NUGGC: variants seen among roughly 807,000 people sequenced by gnomAD.
The protein encoded by NUGGC is nuclear GTPase SLIP-GC.
Under a neutral mutation model 92.6 loss-of-function variants are expected in NUGGC, and 58 were observed. That is an observed-to-expected ratio of 0.63 (90% confidence interval 0.51 to 0.78). NUGGC has a LOEUF of 0.78. NUGGC is among the 30% of genes least tolerant of loss of function. The pLI, the probability that NUGGC is intolerant of heterozygous loss-of-function variation, is 0.00. For synonymous variants in NUGGC, 376 were observed against 366.4 expected, an observed-to-expected ratio of 1.03 and a Z score of -0.30; for missense variants, 925 against 964.6, an observed-to-expected ratio of 0.96 and a Z score of 0.54.
intron 10 of NUGGC, among the ~76,000 whole-genome samples, chr8:28,052,691 C>G (rs1449538683): frequency 1.3e-5 from 2 of 152,192 alleles, no homozygotes; most frequent in Non-Finnish European, 2.9e-5. Flanking sequence ...AATTTTCTGT[C>G]GTTCCAAGCT....
intron 9 of NUGGC, among the ~76,000 whole-genome samples, chr8:28,057,704 A>G (rs961035425): frequency 6.6e-6 from 1 of 152,138 alleles, no homozygotes; most frequent in Non-Finnish European, 1.5e-5. Context: ...AACATAATAC[A>G]TACACAAAAT....
At chr8:28,042,914 T>G (rs1181048798) in intron 12 of NUGGC, among the ~76,000 whole-genome samples, 1 of 152,260 alleles carries the variant, frequency 6.6e-6, no homozygotes, top group Non-Finnish European at 1.5e-5. Flanking sequence ...TGAATTGGGT[T>G]GAATGATCTT....
intron 3 of NUGGC, chr8:28,070,019 C>A (rs1391293337): frequency 2.5e-5 from 20 of 798,888 alleles, no homozygotes; most frequent in Non-Finnish European, 2.9e-5. Context: ...TTTTCACAGG[C>A]TTTGTTCTAA....
chr8:28,072,676 A>G (rs541881646), intron 2 of NUGGC, among the ~76,000 whole-genome samples: 7 of 152,156 alleles, frequency 4.6e-5, no homozygotes, highest in African/African-American at 1.7e-4. Flanking sequence ...TTTTTCTTCA[A>G]TTTCTAAAAT....
intron 1 of NUGGC, among the ~76,000 whole-genome samples, chr8:28,074,782 T>C (rs1392663952): frequency 3.3e-5 from 5 of 152,110 alleles, no homozygotes; most frequent in Admixed American, 2.6e-4. Flanking sequence ...CTACCAAAAA[T>C]ACAAAAATTA....
chr8:28,047,631 A>C lies in NUGGC; in HGVS notation c.1207-19T>G, dbSNP rs1212108851. ...GTTTTCTCTGAAGTGAGAGAGTCAC[A>C]CAGAAAACAGAATAACTCAAACCAT... On this transcript the variant is annotated intron_variant, in intron 10 of 18. Coordinates refer to ENST00000413272, the MANE Select transcript of NUGGC (RefSeq NM_001010906.2). 7.0e-7 allele frequency: 1 copy of C among 1,434,096 alleles called. No individual in the cohort carries two copies. Among genetic ancestry groups the C allele is most frequent in the Non-Finnish European group, 9.6e-7 (1 of 1,041,036 alleles). 88.8% of individuals were successfully genotyped at this position (1,434,096 alleles called of 1,614,324 possible). A position where few individuals can be genotyped will look rare whatever the true frequency, so the allele number is the denominator to read the frequency against.
In NUGGC at chr8:28,047,729, T is replaced by C. The variant is rs1809876750; in HGVS notation, c.1207-117A>G. On this transcript the variant is annotated intron_variant, in intron 10 of 18. Transcript: ENST00000413272. ...CAGCTCACTCATTTTCAGTTCTCCA[T>C]GACCCTCTCTGGGAACAGACAATGT... 9.9e-6 allele frequency: 6 copies of C among 603,762 alleles called. No homozygotes were observed. The South Asian group carries it at 1.3e-4, about 14-fold the overall frequency. 37.4% of individuals were successfully genotyped at this position (603,762 alleles called of 1,614,324 possible). A position where few individuals can be genotyped will look rare whatever the true frequency, so the allele number is the denominator to read the frequency against.
At chr8:28,048,259 G>A (rs1809891483) in intron 10 of NUGGC, among the ~76,000 whole-genome samples, 1 of 152,164 alleles carries the variant, frequency 6.6e-6, no homozygotes, top group Non-Finnish European at 1.5e-5. Context: ...TAGACCAGGT[G>A]ACAATCACAA....
chr8:28,066,552 A>G (rs1305689361), intron 6 of NUGGC, among the ~76,000 whole-genome samples: 1 of 152,176 alleles, frequency 6.6e-6, no homozygotes, highest in Admixed American at 6.5e-5. Context: ...AATTGTACCC[A>G]TTTTACCAAT....
In NUGGC at chr8:28,030,426, G is replaced by T. The variant is rs201021494; in HGVS notation, c.1909-8C>A. 698 of 1,502,498 alleles carry T rather than the reference G, an allele frequency of 4.6e-4. 6 individuals carry two copies. Among genetic ancestry groups the T allele is most frequent in the Middle Eastern group, 6.8e-4 (4 of 5,902 alleles). The allele number at this position is 1,502,498 out of a possible 1,614,324, so 93.1% of individuals were successfully genotyped here. Reference sequence around the variant, plus strand: ...CCCGAGGATGGCACTTATCTGGGAAGATGTGGCAAAAGAGGCCGTTGGTGA... The same window carrying T: ...CCCGAGGATGGCACTTATCTGGGAATATGTGGCAAAAGAGGCCGTTGGTGA... On this transcript the variant is annotated splice_polypyrimidine_tract_variant and splice_region_variant and intron_variant, in intron 15 of 18. Transcript: ENST00000413272.
At position 28,030,313 on chromosome 8, in the gene NUGGC, C is replaced by T. The variant is rs374292249; in HGVS notation, c.2014G>A (p.Glu672Lys). The change falls in exon 16 of 19, where the codon GAA becomes AAA. Residue 672 changes from glutamate (E) to lysine (K), a missense_variant. Coordinates refer to ENST00000413272, the MANE Select transcript of NUGGC (RefSeq NM_001010906.2). ...TGCTGTCCTCCGCAGCCCCCACCTTCGTAACAGAGCTTCAGGTCACTCTGG... is the reference window on the plus strand; with the variant it reads ...TGCTGTCCTCCGCAGCCCCCACCTTTGTAACAGAGCTTCAGGTCACTCTGG... ...SVQSDLKLCYEEAAQITGKKA... is the reference protein window; with the variant it reads ...SVQSDLKLCYKEAAQITGKKA... 123 of 1,539,372 alleles carry T rather than the reference C, an allele frequency of 8.0e-5. No individual in the cohort carries two copies. Among genetic ancestry groups the T allele is most frequent in the Non-Finnish European group, 1.0e-4 (116 of 1,129,410 alleles).
Position 28,025,979 on chromosome 8 carries a change from C to T in NUGGC, c.2245+983G>A, listed in dbSNP as rs1237729884. 4.0e-4 allele frequency among the ~76,000 whole-genome samples: 61 copies of T among 152,174 alleles called. 1 individual carries two copies. Among genetic ancestry groups the T allele is most frequent in the Admixed American group, 4.0e-3 (61 of 15,284 alleles). On this transcript the variant is annotated intron_variant, in intron 18 of 18. Coordinates refer to ENST00000413272, the MANE Select transcript of NUGGC (RefSeq NM_001010906.2). ...GCCCATGGAGATTTTTATGCACATACAAACATATACATATGTATTTCCTTT... is the reference window on the plus strand; with the variant it reads ...GCCCATGGAGATTTTTATGCACATATAAACATATACATATGTATTTCCTTT...
At chr8:28,073,277 T>C (rs1004540803) in intron 2 of NUGGC, among the ~76,000 whole-genome samples, 2 of 151,018 alleles carry the variant, frequency 1.3e-5, no homozygotes, top group African/African-American at 4.9e-5. Flanking sequence ...CCTCCCAAAG[T>C]CCTGGGATTA....
intron 4 of NUGGC, among the ~76,000 whole-genome samples, chr8:28,068,944 G>A (rs1336506967): frequency 6.6e-6 from 1 of 152,080 alleles, no homozygotes; most frequent in Non-Finnish European, 1.5e-5. Context: ...TTGCCATATT[G>A]CTCAGGCTGC....
chr8:28,075,065 G>T (rs763441868), intron 1 of NUGGC, among the ~76,000 whole-genome samples: 1 of 152,200 alleles, frequency 6.6e-6, no homozygotes. Flanking sequence ...GCTTTGGGTG[G>T]CATCAGTGCT....
intron 12 of NUGGC, among the ~76,000 whole-genome samples, chr8:28,044,577 G>C (rs562132816): frequency 1.8e-4 from 28 of 152,336 alleles, no homozygotes; most frequent in African/African-American, 6.7e-4. Context: ...TAGTAAGTTG[G>C]AAGCAGGAAC....
chr8:28,038,397 C>T (rs1201880800), intron 13 of NUGGC, among the ~76,000 whole-genome samples: 1 of 152,318 alleles, frequency 6.6e-6, no homozygotes, highest in South Asian at 2.1e-4. Flanking sequence ...ATGCTGAGTG[C>T]GTTGGTCAAC....
chr8:28,079,833 A>G (rs1450671986), intron 1 of NUGGC, among the ~76,000 whole-genome samples: 1 of 152,206 alleles, frequency 6.6e-6, no homozygotes, highest in Non-Finnish European at 1.5e-5. Context: ...TTGAGTGGGG[A>G]GAGAGAGTAG....
chr8:28,082,453 G>A (rs529736328), intron 1 of NUGGC, among the ~76,000 whole-genome samples: 20 of 152,312 alleles, frequency 1.3e-4, no homozygotes, highest in African/African-American at 4.3e-4. Flanking sequence ...CTCCTTATCA[G>A]GAATTCATAC....
Sources: gnomAD v4.1 joint callset for allele counts (sites outside exome capture counted in the v4.1 genomes callset) on GRCh38, gnomAD v4.1.1 for gene constraint, MANE v1.5 for transcripts, NCBI Gene and HGNC (gene_info 2026-07-23, HGNC 2026-07-21) for gene names.